The following LUZP2 variants were observed in gnomAD, a reference collection of about 807,000 sequenced individuals.
LUZP2 encodes leucine zipper protein 2.
In LUZP2, 52 loss-of-function variants were observed where a neutral mutation model predicts 51.6. The ratio of observed to expected loss-of-function variants is 1.01; its 90% CI spans 0.81 to 1.27. LUZP2 has a LOEUF of 1.27. Among genes scored for constraint, LUZP2 ranks in the 50% most tolerant of loss-of-function variants. LUZP2 has a pLI of 0.00. For synonymous variants in LUZP2, 154 were observed against 137.3 expected (o/e 1.12, Z -0.85); for missense variants, 436 against 395.4 (o/e 1.10, Z -0.87).
chr11:24,987,392 T>C (rs1461540629), intron 9 of LUZP2, among the ~76,000 whole-genome samples: 2 of 151,888 alleles, frequency 1.3e-5, no homozygotes, highest in African/African-American at 4.8e-5. Flanking sequence ...GTACATGTCA[T>C]AAAGAAAGGA....
chr11:24,877,033 G>T (rs1340368040), intron 5 of LUZP2, among the ~76,000 whole-genome samples: 1 of 152,072 alleles, frequency 6.6e-6, no homozygotes, highest in Non-Finnish European at 1.5e-5. Context: ...GCTATTTGGG[G>T]TTTCTATCTC....
intron 5 of LUZP2, among the ~76,000 whole-genome samples, chr11:24,865,744 GTA>G (rs1214916107): frequency 1.1e-4 from 17 of 150,334 alleles, no homozygotes; most frequent in African/African-American, 3.9e-4. Flanking sequence ...GTGTGTGTGT[GTA>G]TATATATTTA....
At chr11:24,699,123 A>ACACACG (rs1857341927) in intron 1 of LUZP2, among the ~76,000 whole-genome samples, 4 of 150,852 alleles carry the variant, frequency 2.7e-5, no homozygotes, top group Admixed American at 2.6e-4. Flanking sequence ...ACACACACAC[A>ACACACG]CACACGAAAC....
chr11:24,824,778 T>G (rs1850476009), intron 5 of LUZP2, among the ~76,000 whole-genome samples: 1 of 152,184 alleles, frequency 6.6e-6, no homozygotes, highest in South Asian at 2.1e-4. Flanking sequence ...GTGAGTTATG[T>G]GCTTTCAAAA....
intron 4 of LUZP2, among the ~76,000 whole-genome samples, chr11:24,741,445 G>A (rs529753697): frequency 1.3e-5 from 2 of 151,960 alleles, no homozygotes; most frequent in South Asian, 4.2e-4. Flanking sequence ...TAGGTCATTA[G>A]GGTACAGGTG....
intron 7 of LUZP2, among the ~76,000 whole-genome samples, chr11:24,962,013 G>A (rs1436593374): frequency 6.6e-6 from 1 of 151,608 alleles, no homozygotes; most frequent in Non-Finnish European, 1.5e-5. Flanking sequence ...ATGAAGCTTA[G>A]TTTGGCTGGA....
chr11:24,791,059 T>G (rs1375934941), intron 5 of LUZP2, among the ~76,000 whole-genome samples: 1 of 152,212 alleles, frequency 6.6e-6, no homozygotes, highest in African/African-American at 2.4e-5. Flanking sequence ...AAATGGTATC[T>G]CGAACTAATG....
chr11:24,791,991 CTTT>C (rs1199469818), intron 5 of LUZP2, among the ~76,000 whole-genome samples: 5 of 149,120 alleles, frequency 3.4e-5, no homozygotes, highest in Non-Finnish European at 7.4e-5. Context: ...CAAATAGCAG[CTTT>C]TTTCTTCCTT....
intron 4 of LUZP2, among the ~76,000 whole-genome samples, chr11:24,754,466 A>G: frequency 6.6e-6 from 1 of 152,188 alleles, no homozygotes; most frequent in African/African-American, 2.4e-5. Context: ...CAAATTTGAT[A>G]AGGCTTCTCT....
At chr11:24,624,435 T>G (rs544499641) in intron 1 of LUZP2, among the ~76,000 whole-genome samples, 1 of 152,248 alleles carries the variant, frequency 6.6e-6, no homozygotes, top group East Asian at 1.9e-4. Context: ...GGTTAAACAT[T>G]TGTTTATGTC....
At chr11:24,934,616 G>A (rs1010981169) in intron 7 of LUZP2, among the ~76,000 whole-genome samples, 50 of 151,908 alleles carry the variant, frequency 3.3e-4, no homozygotes, top group African/African-American at 9.7e-4. Flanking sequence ...AAAAAAAAAT[G>A]TTGTGACATA....
rs1344983662 is a variant in LUZP2, at chr11:24,601,926, AT to A, written c.62+104622del. On this transcript the variant is annotated intron_variant, in intron 1 of 11. Coordinates refer to ENST00000336930, the MANE Select transcript of LUZP2 (RefSeq NM_001009909.4). The stretch of plus-strand genomic sequence containing the variant: ...TATGTATATATGTATATATGTATAT[AT>A]ATGTATATATGTATATATGTATAAA... 9.3e-3 allele frequency among the ~76,000 whole-genome samples: 1,295 copies of A among 139,096 alleles called. 28 individuals are homozygous for A. Among genetic ancestry groups the A allele is most frequent in the African/African-American group, 0.033 (1,233 of 37,314 alleles). The allele number at this position is 139,096 out of a possible 152,430, so 91.3% of individuals were successfully genotyped here. A position where few individuals can be genotyped will look rare whatever the true frequency, so the allele number is the denominator to read the frequency against.
chr11:25,057,296 A>T (rs951868750), intron 10 of LUZP2, among the ~76,000 whole-genome samples: 9 of 152,106 alleles, frequency 5.9e-5, no homozygotes, highest in Non-Finnish European at 1.2e-4. Flanking sequence ...GCTTTGTTCC[A>T]CTTCCTGCCT....
At chr11:24,763,162 T>C (rs1186563369) in intron 4 of LUZP2, 84 bp from the exon 5 acceptor site, 3 of 661,516 alleles carry the variant, frequency 4.5e-6, no homozygotes, top group Non-Finnish European at 7.0e-6. Context: ...AATAATTTAT[T>C]ATTTCTCAAA....
chr11:24,861,759 T>G (rs1851749828), intron 5 of LUZP2, among the ~76,000 whole-genome samples: 1 of 152,152 alleles, frequency 6.6e-6, no homozygotes, highest in South Asian at 2.1e-4. Context: ...TAATTAACAT[T>G]ATTGTTTCCC....
chr11:24,606,851 G>C (rs1048732652), intron 1 of LUZP2, among the ~76,000 whole-genome samples: 4 of 151,892 alleles, frequency 2.6e-5, no homozygotes, highest in African/African-American at 7.3e-5. Context: ...AGGGATGTGA[G>C]GTAATATCTC....
intron 7 of LUZP2, among the ~76,000 whole-genome samples, chr11:24,942,499 T>G (rs981099395): frequency 1.6e-4 from 24 of 152,208 alleles, no homozygotes; most frequent in African/African-American, 5.8e-4. Context: ...TTGTATATCC[T>G]CTTTGTTGAA....
At chr11:24,764,204 C>T (rs1025649560) in intron 5 of LUZP2, among the ~76,000 whole-genome samples, 1 of 152,074 alleles carries the variant, frequency 6.6e-6, no homozygotes, top group Non-Finnish European at 1.5e-5. Context: ...TGCACACGTG[C>T]GTGGGCGCGT....
At chr11:25,018,007 G>GTA (rs1857206190) in intron 9 of LUZP2, among the ~76,000 whole-genome samples, 1 of 149,832 alleles carries the variant, frequency 6.7e-6, no homozygotes, top group Non-Finnish European at 1.5e-5. Context: ...TCTTGATTAA[G>GTA]TATATCCCTA....
Sources: allele counts gnomAD v4.1 joint callset (sites outside exome capture counted in the v4.1 genomes callset), GRCh38; gene constraint gnomAD v4.1.1; transcripts MANE v1.5; gene names NCBI Gene and HGNC (gene_info 2026-07-23, HGNC 2026-07-21).